Variants in ATG16L1 observed in about 807,000 individuals in gnomAD.
The protein encoded by ATG16L1 is autophagy-related protein 16-1.
Under a neutral mutation model 88.5 loss-of-function variants are expected in ATG16L1, and 37 were observed. The observed-to-expected ratio is 0.42, with a 90% CI of 0.32 to 0.55. ATG16L1 has a LOEUF of 0.55. Among genes scored for constraint, ATG16L1 ranks in the 20% least tolerant of loss-of-function variants. The pLI, the probability that ATG16L1 is intolerant of heterozygous loss-of-function variation, is 0.13. For missense variants in ATG16L1, 554 were observed against 752.8 expected, an observed-to-expected ratio of 0.74 and a Z score of 3.09; for synonymous variants, 301 against 281.0, an observed-to-expected ratio of 1.07 and a Z score of -0.71.
intron 12 of ATG16L1, among the ~76,000 whole-genome samples, chr2:233,283,965 C>T (rs1419826995): frequency 4.0e-5 from 6 of 151,822 alleles, no homozygotes; most frequent in African/African-American, 1.5e-4. Context: ...CTGCCTCAGC[C>T]TCCCGAGTAG....
At chr2:233,260,642 GT>G (rs1697141362) in intron 2 of ATG16L1, among the ~76,000 whole-genome samples, 1 of 152,214 alleles carries the variant, frequency 6.6e-6, no homozygotes, top group Non-Finnish European at 1.5e-5. Context: ...TTCATTGTAA[GT>G]AAAATAAGAA....
intron 12 of ATG16L1, among the ~76,000 whole-genome samples, chr2:233,289,563 A>G (rs1419493172): frequency 1.3e-5 from 2 of 152,036 alleles, no homozygotes; most frequent in African/African-American, 4.8e-5. Context: ...TTTTTAAAAA[A>G]ATTTTTTTGT....
At chr2:233,263,707 T>C (rs1697371801) in intron 3 of ATG16L1, among the ~76,000 whole-genome samples, 1 of 152,184 alleles carries the variant, frequency 6.6e-6, no homozygotes, top group African/African-American at 2.4e-5. Context: ...TTGATTATCT[T>C]TTCAGCAGAA....
Position 233,265,163 on chromosome 2 carries a change from T to C in ATG16L1, c.641+20T>C. 1.2e-6 allele frequency: 2 copies of C among 1,612,926 alleles called. No homozygotes were observed. The highest frequency in any genetic ancestry group is 3.3e-5 in the Admixed American group (2 of 59,724). On this transcript the variant is annotated intron_variant, in intron 5 of 17. Transcript: ENST00000392017. ...CTCCAGGTGGGCTATCAATCCACAG[T>C]TAGTGGTTTCCATCCTTAGTAGAGT...
At chr2:233,265,621 C>T (rs1697512787) in intron 5 of ATG16L1, among the ~76,000 whole-genome samples, 1 of 152,110 alleles carries the variant, frequency 6.6e-6, no homozygotes, top group African/African-American at 2.4e-5. Context: ...AGGCATACAC[C>T]ACCACGCCTG....
chr2:233,278,339 A>G (rs1698510431), intron 10 of ATG16L1, among the ~76,000 whole-genome samples: 3 of 152,206 alleles, frequency 2.0e-5, no homozygotes, highest in Admixed American at 2.0e-4. Flanking sequence ...TCAGTTAAAT[A>G]TGCGTGTATT....
intron 2 of ATG16L1, 51 bp downstream of exon 2, chr2:233,256,246 C>A: frequency 6.8e-7 from 1 of 1,464,560 alleles, no homozygotes; most frequent in Non-Finnish European, 9.5e-7. Context: ...GGAAATTTAT[C>A]TCAGTTCAGT....
intron 10 of ATG16L1, among the ~76,000 whole-genome samples, chr2:233,279,750 A>AC (rs1559401797): frequency 1.3e-5 from 2 of 151,044 alleles, no homozygotes; most frequent in African/African-American, 4.9e-5. Flanking sequence ...TTGACATAGC[A>AC]CCCCCCGCCC....
At chr2:233,258,830 G>T (rs1461166300) in intron 2 of ATG16L1, among the ~76,000 whole-genome samples, 1 of 152,072 alleles carries the variant, frequency 6.6e-6, no homozygotes, top group Non-Finnish European at 1.5e-5. Context: ...CTGAGTAGCT[G>T]GGAGACTATA....
rs781314904 is a variant in ATG16L1, at chr2:233,289,849, C to T, written c.1204-5C>T. The T allele has an allele frequency of 4.3e-6, 7 of 1,614,026 alleles. No individual in the cohort carries two copies. In the Admixed American group the frequency reaches 1.2e-4, roughly 27 times the overall value. ...GGCTCACCCTGGCTGTGTTCTCTCT[C>T]CTAGCACACACTCACGGGACACAGT... On this transcript the variant is annotated splice_region_variant and splice_polypyrimidine_tract_variant and intron_variant, in intron 12 of 17. Transcript: ENST00000392017.
chr2:233,292,007 TTGAC>T, intron 14 of ATG16L1, 117 bp from the exon 15 acceptor site: 14 of 1,173,258 alleles, frequency 1.2e-5, no homozygotes, highest in Non-Finnish European at 1.6e-5. Context: ...TGGGAACACA[TTGAC>T]TGCGCTGGCA....
chr2:233,282,171 T>G (rs1036188435), intron 11 of ATG16L1, among the ~76,000 whole-genome samples: 3 of 152,228 alleles, frequency 2.0e-5, no homozygotes, highest in Non-Finnish European at 4.4e-5. Flanking sequence ...GTGACAGTGC[T>G]GAAGACTGGC....
intron 1 of ATG16L1, among the ~76,000 whole-genome samples, chr2:233,254,891 C>T (rs1559373785): frequency 6.6e-6 from 1 of 152,212 alleles, no homozygotes; most frequent in East Asian, 1.9e-4. Flanking sequence ...CTGCTTGGTA[C>T]CTGCAGAACA....
chr2:233,292,473 CAA>C lies in ATG16L1; in HGVS notation c.1628+41_1628+42del, dbSNP rs778117501. Reference sequence around the variant, plus strand: ...CACCCCCCGCCAATTTGGTTCATCACAAAGAGTCCTGCATGGGCATTTTCCCA... The same window carrying C: ...CACCCCCCGCCAATTTGGTTCATCACAGAGTCCTGCATGGGCATTTTCCCA... On this transcript the variant is annotated intron_variant, in intron 16 of 17. Transcript: ENST00000392017. 6 of 1,611,398 alleles carry C rather than the reference CAA, an allele frequency of 3.7e-6. No individual in the cohort carries two copies. In the Admixed American group the frequency reaches 5.0e-5, roughly 13 times the overall value.
At chr2:233,256,028 G>C in intron 1 of ATG16L1, 74 bp from the exon 2 acceptor site, 2 of 1,215,680 alleles carry the variant, frequency 1.6e-6, no homozygotes, top group Non-Finnish European at 2.4e-6. Context: ...TTCAATACAT[G>C]ACAAGGTAGG....
chr2:233,293,499 TGGAGAGAA>T (rs1699606675), intron 17 of ATG16L1, 142 bp downstream of exon 17: 1 of 738,814 alleles, frequency 1.4e-6, no homozygotes, highest in African/African-American at 1.7e-5. Context: ...GCTAGGTCAG[TGGAGAGAA>T]GCTGGGGCCA....
rs920968128 is a variant in ATG16L1 at position 233,292,134 on chromosome 2, G to A, written c.1437G>A (p.Glu479=). 1 of 1,614,096 alleles carries A rather than the reference G, an allele frequency of 6.2e-7. No homozygotes were observed. The highest frequency in any genetic ancestry group is 1.7e-5 in the Admixed American group (1 of 60,012). The change falls in exon 15 of 18, where the codon GAG becomes GAA. Residue 479 remains glutamate (E), a synonymous_variant. Transcript: ENST00000392017. ...GATCTGTTCTCCCTCTTAGATCAGA[G>A]AGCATAGTTCGAGAGATGGAGCTGT... ...KKIRFWDIRS[E]SIVREMELLG... is the part of the protein sequence containing the mutation.
In ATG16L1 at chr2:233,265,023, C is replaced by G; in HGVS notation, c.521C>G (p.Thr174Ser). 6.2e-7 allele frequency: 1 copy of G among 1,614,218 alleles called. No homozygotes were observed. The highest frequency in any genetic ancestry group is 1.1e-5 in the South Asian group (1 of 91,084). Reference protein sequence around the residue: ...DEYDALQITFTALEGKLRKTT... With the variant: ...DEYDALQITFSALEGKLRKTT... The stretch of plus-strand genomic sequence containing the variant: ...TATGATGCCCTGCAGATCACTTTTA[C>G]TGCCTTGGAGGGAAAACTGAGGAAA... The change falls in exon 5 of 18, where the codon ACT (threonine) becomes AGT (serine). Residue 174 changes from threonine (T) to serine (S), a missense_variant. This residue lies in a region of ATG16L1 where 22 missense variants were observed against 54.5 expected (regional missense o/e 0.40). Transcript: ENST00000392017.
chr2:233,289,408 T>TGTGTGTGTGTGTGTGTGTGA (rs144316394), intron 12 of ATG16L1, among the ~76,000 whole-genome samples: 30 of 149,652 alleles, frequency 2.0e-4, no homozygotes, highest in South Asian at 2.1e-4. Flanking sequence ...TGTGTGTGTG[T>TGTGTGTGTGTGTGTGTGTGA]GACAGGATCT....
Sources: gnomAD v4.1 joint callset for allele counts (sites outside exome capture counted in the v4.1 genomes callset) on GRCh38, gnomAD v4.1.1 for gene constraint, gnomAD v4.1.1 regional missense constraint, MANE v1.5 for transcripts, NCBI Gene and HGNC (gene_info 2026-07-23, HGNC 2026-07-21) for gene names.